APOLD1: variants seen among roughly 807,000 people sequenced by gnomAD.
APOLD1 encodes apolipoprotein L domain containing 1, also known as apolipoprotein L domain-containing protein 1.
A neutral mutation model predicts 15.3 loss-of-function variants in APOLD1; 22 were observed. The observed-to-expected ratio is 1.44, with a 90% confidence interval of 1.03 to 2.05. The LOEUF (loss-of-function observed/expected upper bound fraction) is 2.05, where lower values mean the gene tolerates loss of function less well. APOLD1 is among the 30% of genes most tolerant of loss of function. APOLD1 has a pLI of 0.00. For missense variants in APOLD1, 394 were observed against 353.5 expected (o/e 1.11, Z -0.92); for synonymous variants, 190 against 167.4 (o/e 1.13, Z -1.04).
intron 1 of APOLD1, among the ~76,000 whole-genome samples, chr12:12,753,525 C>T (rs1365370719): frequency 6.6e-6 from 1 of 151,872 alleles, no homozygotes; most frequent in Non-Finnish European, 1.5e-5. Flanking sequence ...AAAATTTAGC[C>T]AGGCATGGTG....
chr12:12,770,639 G>A (rs1343022523), intron 1 of APOLD1, among the ~76,000 whole-genome samples: 4 of 150,290 alleles, frequency 2.7e-5, no homozygotes, highest in East Asian at 3.9e-4. Context: ...GTATAAGTGT[G>A]TAATGAGAAT....
rs1394567942 is a variant in APOLD1 at position 12,789,194 on chromosome 12, A to G, written c.*1542A>G. On this transcript the variant is annotated 3_prime_UTR_variant, in exon 2 of 2. Coordinates refer to ENST00000356591, the MANE Select transcript of APOLD1 (RefSeq NM_030817.3). ...TAGAAAATAATAAGAGCAAGTTTCT[A>G]AATGGGAGACTGCTGAGGCTCTTTG... 1.3e-5 allele frequency: 2 copies of G among 152,262 alleles called. No individual in the cohort carries two copies. The highest frequency in any genetic ancestry group is 2.9e-5 in the Non-Finnish European group (2 of 68,046). 9.4% of individuals were successfully genotyped at this position (152,262 alleles called of 1,614,324 possible). A position where few individuals can be genotyped will look rare whatever the true frequency, so the allele number is the denominator to read the frequency against.
At chr12:12,729,070 T>C (rs1044143342) in intron 1 of APOLD1, among the ~76,000 whole-genome samples, 1 of 152,164 alleles carries the variant, frequency 6.6e-6, no homozygotes, top group African/African-American at 2.4e-5. Flanking sequence ...TACTGTAAAT[T>C]TGGAATATGT....
At chr12:12,730,030 GTGTGTGT>G (rs1946624514) in intron 1 of APOLD1, among the ~76,000 whole-genome samples, 2 of 24,078 alleles carry the variant, frequency 8.3e-5, no homozygotes, top group Non-Finnish European at 1.6e-4. Flanking sequence ...CTAACTTTGT[GTGTGTGT>G]GTGTGTGTGT....
In APOLD1 at chr12:12,755,696, G is replaced by T. The variant is rs148715842; in HGVS notation, c.96+29600G>T. Among the ~76,000 whole-genome samples, 661 of 152,276 alleles carry T rather than the reference G, an allele frequency of 4.3e-3. 6 individuals carry two copies. Among genetic ancestry groups the T allele is most frequent in the African/African-American group, 0.015 (625 of 41,554 alleles). ...TCTCTACCAAAAATACAAAAAATTA[G>T]CTGGACGTGGTGGCACATGCCTGTG... is the stretch of plus-strand genomic sequence containing the variant. On this transcript the variant is annotated intron_variant, in intron 1 of 1. Coordinates refer to the APOLD1 transcript ENST00000326765.
chr12:12,748,583 CACTT>C (rs1946783177), intron 1 of APOLD1, among the ~76,000 whole-genome samples: 1 of 152,162 alleles, frequency 6.6e-6, no homozygotes, highest in African/African-American at 2.4e-5. Context: ...CCACCTCAAA[CACTT>C]ATCATTTTTT....
rs567995887 is a variant in APOLD1, at chr12:12,755,772, T to G, written c.96+29676T>G. On this transcript the variant is annotated intron_variant, in intron 1 of 1. Transcript: ENST00000326765. ...GGGAGGATCACTTGAGGCCAAGAGG[T>G]GGAGGTTGCAGTGAGCCGAAATTGC... Among the ~76,000 whole-genome samples the G allele has an allele frequency of 1.1e-4, 16 of 152,304 alleles. 1 individual carries two copies. In the South Asian group the frequency reaches 2.9e-3, roughly 28 times the overall value.
At chr12:12,771,330 T>C (rs188941976) in intron 1 of APOLD1, 1 of 237,492 alleles carries the variant, frequency 4.2e-6, no homozygotes, top group East Asian at 1.3e-4. Flanking sequence ...GTGTCATGCC[T>C]GGTGGCCCCC....
rs1947070119 is a variant in APOLD1, at chr12:12,780,367, C to G, written c.97-6542C>G. 3.3e-5 allele frequency among the ~76,000 whole-genome samples: 5 copies of G among 151,592 alleles called. No individual in the cohort carries two copies. In the South Asian group the frequency reaches 1.0e-3, roughly 32 times the overall value. ...CAAACCATCCTCCCAGCTTAGCCTC[C>G]CAAGTACCAAGTAGCTGGGACTACA... On this transcript the variant is annotated intron_variant, in intron 1 of 1. Transcript: ENST00000326765.
intron 1 of APOLD1, among the ~76,000 whole-genome samples, chr12:12,747,219 C>T (rs1349436705): frequency 1.3e-5 from 2 of 152,146 alleles, no homozygotes; most frequent in South Asian, 2.1e-4. Flanking sequence ...TCAAGCAATC[C>T]TCCCACATCG....
chr12:12,735,862 G>A (rs529292553), intron 1 of APOLD1, among the ~76,000 whole-genome samples: 7 of 152,168 alleles, frequency 4.6e-5, no homozygotes, highest in South Asian at 4.1e-4. Flanking sequence ...CAGGAGGATC[G>A]CTTGGGCCCA....
At chr12:12,725,972 G>A in exon 1 of APOLD1, 1 of 1,462,114 alleles carries the variant, frequency 6.8e-7, no homozygotes, top group Non-Finnish European at 9.1e-7. Context: ...GCTTCGCGGG[G>A]ACAGAGATGT....
At chr12:12,728,762 A>T (rs1204683272) in intron 1 of APOLD1, among the ~76,000 whole-genome samples, 2 of 152,128 alleles carry the variant, frequency 1.3e-5, no homozygotes, top group Non-Finnish European at 2.9e-5. Flanking sequence ...CTGCCAAAAA[A>T]AACTATTTAG....
intron 1 of APOLD1, among the ~76,000 whole-genome samples, chr12:12,736,399 C>T (rs1035599259): frequency 1.3e-5 from 2 of 150,612 alleles, no homozygotes; most frequent in Non-Finnish European, 1.5e-5. Flanking sequence ...TGGTGGTGTG[C>T]ACCTGTAGTC....
chr12:12,771,279 G>A (rs1430394971), intron 1 of APOLD1: 2 of 176,324 alleles, frequency 1.1e-5, no homozygotes, highest in South Asian at 1.2e-4. Flanking sequence ...AGCAGATTTT[G>A]TGTATGAAAA....
chr12:12,755,177 A>C (rs889506575), intron 1 of APOLD1, among the ~76,000 whole-genome samples: 2 of 152,238 alleles, frequency 1.3e-5, no homozygotes, highest in Non-Finnish European at 2.9e-5. Context: ...TTATTTGTAT[A>C]AAATCAACAC....
rs1258593919 is a variant in APOLD1 at position 12,787,686 on chromosome 12, A to C, written c.*34A>C. ...TTTCCCCCTAATGACCGAGGCCAGC[A>C]AATCATCCTCATGGGATGCTCCAGA... On this transcript the variant is annotated 3_prime_UTR_variant, in exon 2 of 2. Coordinates refer to ENST00000356591, the MANE Select transcript of APOLD1 (RefSeq NM_030817.3). This position sits in a 1 kb window ranked among gnomAD's most constrained non-coding sequence, Gnocchi z 4.9. The C allele has an allele frequency of 6.5e-7, 1 of 1,545,816 alleles. No individual in the cohort carries two copies. The highest frequency in any genetic ancestry group is 8.7e-7 in the Non-Finnish European group (1 of 1,151,230).
intron 1 of APOLD1, among the ~76,000 whole-genome samples, chr12:12,727,499 C>G (rs2136364365): frequency 6.6e-6 from 1 of 152,300 alleles, no homozygotes; most frequent in Middle Eastern, 3.4e-3. Context: ...ACTATTAATA[C>G]TGAGGAGTAG....
chr12:12,752,921 A>G (rs533517279), intron 1 of APOLD1, among the ~76,000 whole-genome samples: 14 of 152,270 alleles, frequency 9.2e-5, no homozygotes, highest in African/African-American at 3.4e-4. Context: ...AATAGTGATG[A>G]GTGGTATCTA....
Sources: allele counts gnomAD v4.1 joint callset (sites outside exome capture counted in the v4.1 genomes callset), GRCh38; gene constraint gnomAD v4.1.1; non-coding constraint Gnocchi (gnomAD v3.1); transcripts MANE v1.5; gene names NCBI Gene and HGNC (gene_info 2026-07-23, HGNC 2026-07-21).